The following DIS3L2 variants were observed in gnomAD, a reference collection of about 807,000 sequenced individuals.
DIS3L2 encodes DIS3 like 3'-5' exoribonuclease 2, also known as DIS3-like exonuclease 2.
A neutral mutation model predicts 97.5 loss-of-function variants in DIS3L2; 34 were observed. That is an observed-to-expected ratio of 0.35 (90% confidence interval 0.27 to 0.46). The LOEUF (loss-of-function observed/expected upper bound fraction) is 0.46. DIS3L2 is among the 20% of genes least tolerant of loss of function. DIS3L2 has a pLI of 1.00. For synonymous variants in DIS3L2, 435 were observed against 445.2 expected (o/e 0.98, Z 0.29); for missense variants, 1,038 against 1,146.0 (o/e 0.91, Z 1.36).
At chr2:232,160,579 A>C (rs1338311719) in intron 8 of DIS3L2, among the ~76,000 whole-genome samples, 1 of 152,032 alleles carries the variant, frequency 6.6e-6, no homozygotes, top group Non-Finnish European at 1.5e-5. Flanking sequence ...TCTCTTTTCA[A>C]AGAATTAGCT....
chr2:232,271,008 T>C (rs747580590), intron 13 of DIS3L2, among the ~76,000 whole-genome samples: 9 of 151,934 alleles, frequency 5.9e-5, no homozygotes, highest in Non-Finnish European at 1.0e-4. Context: ...TCCTTCATCT[T>C]TCATATTTTA....
chr2:232,109,912 T>C (rs1697473107), intron 6 of DIS3L2, among the ~76,000 whole-genome samples: 1 of 151,882 alleles, frequency 6.6e-6, no homozygotes, highest in Non-Finnish European at 1.5e-5. Context: ...ACCAACAGAG[T>C]AAACAGACAA....
chr2:232,098,655 A>G (rs373470957), intron 6 of DIS3L2, among the ~76,000 whole-genome samples: 44 of 152,222 alleles, frequency 2.9e-4, no homozygotes, highest in East Asian at 2.7e-3. Flanking sequence ...CACCCAGCCT[A>G]GCTTTCTAAT....
chr2:231,985,666 C>T (rs1693390282), intron 1 of DIS3L2, among the ~76,000 whole-genome samples: 1 of 152,216 alleles, frequency 6.6e-6, no homozygotes, highest in Admixed American at 6.5e-5. Context: ...CTCCACTTTT[C>T]CATACACACA....
At chr2:232,124,746 T>TA (rs1160821991) in intron 6 of DIS3L2, among the ~76,000 whole-genome samples, 2 of 152,012 alleles carry the variant, frequency 1.3e-5, no homozygotes, top group African/African-American at 4.8e-5. Context: ...GTCTAATTTT[T>TA]AAAAAAATAT....
chr2:232,300,719 A>G (rs1575003962), intron 14 of DIS3L2, among the ~76,000 whole-genome samples: 1 of 149,128 alleles, frequency 6.7e-6, no homozygotes, highest in African/African-American at 2.5e-5. Flanking sequence ...CAGTGATAGA[A>G]TCGTGGCTCA....
chr2:232,283,329 A>G (rs1282719415), intron 13 of DIS3L2, among the ~76,000 whole-genome samples: 2 of 152,182 alleles, frequency 1.3e-5, no homozygotes, highest in South Asian at 2.1e-4. Flanking sequence ...TGGCATGAAC[A>G]TGGCTCACTG....
intron 9 of DIS3L2, among the ~76,000 whole-genome samples, 191 bp from the exon 10 acceptor site, chr2:232,210,135 A>T (rs2106217645): frequency 6.6e-6 from 1 of 152,310 alleles, no homozygotes; most frequent in Middle Eastern, 3.4e-3. Context: ...ACAGAGGAAG[A>T]GAAAGTCACT....
intron 12 of DIS3L2, among the ~76,000 whole-genome samples, chr2:232,254,253 A>T (rs995760353): frequency 4.0e-5 from 6 of 151,214 alleles, no homozygotes; most frequent in Non-Finnish European, 7.4e-5. Flanking sequence ...TCGGGTTAAT[A>T]AAAAAAAAGC....
chr2:232,079,739 G>T (rs1161108161), intron 5 of DIS3L2, among the ~76,000 whole-genome samples: 5 of 152,042 alleles, frequency 3.3e-5, no homozygotes, highest in African/African-American at 9.7e-5. Context: ...TTTGAGCAGA[G>T]ACTTCAACAA....
chr2:232,106,081 C>G (rs974345504), intron 6 of DIS3L2, among the ~76,000 whole-genome samples: 1 of 152,156 alleles, frequency 6.6e-6, no homozygotes, highest in African/African-American at 2.4e-5. Flanking sequence ...CACTTTTGGA[C>G]TCTTTCTTCC....
intron 9 of DIS3L2, among the ~76,000 whole-genome samples, chr2:232,166,379 G>A (rs775222653): frequency 6.6e-6 from 1 of 152,140 alleles, no homozygotes; most frequent in Non-Finnish European, 1.5e-5. Flanking sequence ...AAAGACAGAA[G>A]GAGTTTGTAG....
chr2:232,008,021 T>A (rs1245996940), intron 1 of DIS3L2, among the ~76,000 whole-genome samples: 9 of 152,082 alleles, frequency 5.9e-5, no homozygotes, highest in Admixed American at 4.6e-4. Flanking sequence ...CTACTTTTTT[T>A]TTGGAGACAG....
chr2:232,205,211 CATATATATAT>C (rs57163508), intron 9 of DIS3L2, among the ~76,000 whole-genome samples: 23 of 140,558 alleles, frequency 1.6e-4, no homozygotes, highest in Admixed American at 2.1e-4. Context: ...AGGCAGTTTA[CATATATATAT>C]ATATATATAT....
chr2:232,033,293 A>C (rs769836851), intron 5 of DIS3L2, among the ~76,000 whole-genome samples: 1 of 152,168 alleles, frequency 6.6e-6, no homozygotes, highest in Non-Finnish European at 1.5e-5. Context: ...GGTGTATAGG[A>C]ACGCTTGTGA....
At chr2:232,161,099 G>T (rs1405335427) in intron 8 of DIS3L2, among the ~76,000 whole-genome samples, 1 of 152,038 alleles carries the variant, frequency 6.6e-6, no homozygotes, top group East Asian at 1.9e-4. Flanking sequence ...TGTATTTTTA[G>T]TGGAGACGGG....
In DIS3L2 at chr2:232,024,230, G is replaced by A. The variant is rs773590205; in HGVS notation, c.211-47G>A. 1.9e-4 allele frequency: 272 copies of A among 1,409,630 alleles called. 1 individual carries two copies. The East Asian group carries it at 6.1e-3, about 32-fold the overall frequency. 87.3% of individuals were successfully genotyped at this position (1,409,630 alleles called of 1,614,324 possible). ...GGAGAATAACATACGTGGAAAAATCGTAAATATATAGCTAGATTTTCACAA... is the reference window on the plus strand; with the variant it reads ...GGAGAATAACATACGTGGAAAAATCATAAATATATAGCTAGATTTTCACAA... On this transcript the variant is annotated intron_variant, in intron 3 of 20. Transcript: ENST00000325385.
At chr2:232,062,258 TGTCATG>T (rs1247482822) in intron 5 of DIS3L2, among the ~76,000 whole-genome samples, 1 of 152,150 alleles carries the variant, frequency 6.6e-6, no homozygotes, top group Non-Finnish European at 1.5e-5. Context: ...GCATTCATGT[TGTCATG>T]ATCCACTAGA....
intron 9 of DIS3L2, among the ~76,000 whole-genome samples, chr2:232,201,450 T>C (rs1344821063): frequency 1.3e-5 from 2 of 152,226 alleles, no homozygotes; most frequent in Non-Finnish European, 2.9e-5. Context: ...ACAAGACAAC[T>C]GACCTGGACT....
Sources: gnomAD v4.1 joint callset for allele counts (sites outside exome capture counted in the v4.1 genomes callset) on GRCh38, gnomAD v4.1.1 for gene constraint, MANE v1.5 for transcripts, NCBI Gene and HGNC (gene_info 2026-07-23, HGNC 2026-07-21) for gene names.